Variants in MAD1L1 observed in about 807,000 individuals in gnomAD.
MAD1L1 encodes the protein mitotic spindle assembly checkpoint protein MAD1.
A neutral mutation model predicts 96.9 loss-of-function variants in MAD1L1; 95 were observed. The ratio of observed to expected loss-of-function variants is 0.98; its 90% CI spans 0.83 to 1.16. The LOEUF (loss-of-function observed/expected upper bound fraction) is 1.16. MAD1L1 is among the 50% of genes most tolerant of loss of function. The pLI, the probability that MAD1L1 is intolerant of heterozygous loss-of-function variation, is 0.00. For missense variants in MAD1L1, 1,007 were observed against 954.4 expected, an observed-to-expected ratio of 1.06 and a Z score of -0.73; for synonymous variants, 473 against 396.6, an observed-to-expected ratio of 1.19 and a Z score of -2.29.
chr7:2,141,747 G>A (rs925723841), intron 11 of MAD1L1, among the ~76,000 whole-genome samples: 10 of 152,330 alleles, frequency 6.6e-5, no homozygotes, highest in African/African-American at 2.4e-4. Flanking sequence ...GGCTGCACAT[G>A]CCACAGGCAC....
intron 18 of MAD1L1, among the ~76,000 whole-genome samples, chr7:1,893,279 A>C (rs1194823923): frequency 2.6e-5 from 4 of 151,796 alleles, no homozygotes; most frequent in African/African-American, 7.3e-5. Flanking sequence ...CCTGGCTGGG[A>C]TGGGAAGTCC....
intron 10 of MAD1L1, among the ~76,000 whole-genome samples, chr7:2,212,565 C>A (rs1793003579): frequency 6.6e-6 from 1 of 152,156 alleles, no homozygotes; most frequent in African/African-American, 2.4e-5. Context: ...TCCCTCCCAA[C>A]ACTACTCACG....
intron 18 of MAD1L1, among the ~76,000 whole-genome samples, chr7:1,843,064 C>G (rs1783369106): frequency 6.6e-6 from 1 of 152,222 alleles, no homozygotes; most frequent in Non-Finnish European, 1.5e-5. Flanking sequence ...TGGGGACCAT[C>G]TGGAGGACGG....
At position 1,968,326 on chromosome 7, in the gene MAD1L1, TGGTCA is replaced by T. The variant is rs1005697568; in HGVS notation, c.1506-10612_1506-10608del. On this transcript the variant is annotated intron_variant, in intron 15 of 18. Coordinates refer to ENST00000265854, the MANE Select transcript of MAD1L1 (RefSeq NM_001013836.2). The surrounding 1 kb of genome is among the most constrained non-coding windows in gnomAD (Gnocchi z 5.6). ...GTCCACTGTCAACGCCTCAGTCTGGTGGTCAGGTCAACCGTCCACACCTCAGTCCA... is the reference window on the plus strand; with the variant it reads ...GTCCACTGTCAACGCCTCAGTCTGGTGGTCAACCGTCCACACCTCAGTCCA... 7.8e-6 allele frequency among the ~76,000 whole-genome samples: 1 copy of T among 128,112 alleles called. No individual in the cohort carries two copies. Among genetic ancestry groups the T allele is most frequent in the Non-Finnish European group, 1.6e-5 (1 of 61,340 alleles). The allele number at this position is 128,112 out of a possible 152,430, so 84.0% of individuals were successfully genotyped here.
In MAD1L1 at chr7:2,138,668, G is replaced by A. The variant is rs552974061; in HGVS notation, c.1073+10484C>T. Among the ~76,000 whole-genome samples, 260 of 152,280 alleles carry A rather than the reference G, an allele frequency of 1.7e-3. 1 individual carries two copies. The highest frequency in any genetic ancestry group is 6.0e-3 in the African/African-American group (248 of 41,548). ...TCACTCTGAGAACCCCAGGCCCAGG[G>A]GCCAAGCAAGCACTGAGAGGAAGGC... On this transcript the variant is annotated intron_variant, in intron 11 of 18. Transcript: ENST00000265854.
At chr7:2,087,347 C>A (rs1785970143) in intron 11 of MAD1L1, among the ~76,000 whole-genome samples, 1 of 152,124 alleles carries the variant, frequency 6.6e-6, no homozygotes, top group Admixed American at 6.5e-5. Flanking sequence ...CAAGACCAGC[C>A]TGACCAACAT....
At chr7:1,893,768 G>A (rs1215588170) in intron 18 of MAD1L1, among the ~76,000 whole-genome samples, 1 of 152,234 alleles carries the variant, frequency 6.6e-6, no homozygotes, top group Non-Finnish European at 1.5e-5. Flanking sequence ...TCTCACAGGA[G>A]TGCAGTGGCC....
intron 18 of MAD1L1, chr7:1,838,486 G>A (rs557986006): frequency 1.7e-4 from 55 of 314,316 alleles, no homozygotes; most frequent in Admixed American, 3.9e-4. Flanking sequence ...ACACTAGACC[G>A]TATGATTCAT....
intron 11 of MAD1L1, among the ~76,000 whole-genome samples, chr7:2,071,920 C>A (rs12536235): frequency 0.78 from 119,123 of 152,080 alleles, 52,152 homozygotes; most frequent in Non-Finnish European, 0.98. Flanking sequence ...AGGGCACGGA[C>A]GCTCTGCACC....
At chr7:1,936,077 A>G (rs1441659156) in intron 17 of MAD1L1, among the ~76,000 whole-genome samples, 1 of 152,224 alleles carries the variant, frequency 6.6e-6, no homozygotes, top group Non-Finnish European at 1.5e-5. Context: ...CTGGACTCCC[A>G]GCCCTGCTCC....
In MAD1L1 at chr7:2,201,516, A is replaced by C. The variant is rs75616108; in HGVS notation, c.986+11696T>G. Among the ~76,000 whole-genome samples the C allele has an allele frequency of 9.1e-3, 1,383 of 152,290 alleles. 18 individuals are homozygous for C. Among genetic ancestry groups the C allele is most frequent in the African/African-American group, 0.032 (1,328 of 41,564 alleles). On this transcript the variant is annotated intron_variant, in intron 10 of 18. Coordinates refer to ENST00000265854, the MANE Select transcript of MAD1L1 (RefSeq NM_001013836.2). The stretch of plus-strand genomic sequence containing the variant: ...CACCAGGGATGCCACCGCCTCCTCT[A>C]AAATAAATCCTGGAACCTACGGCAG...
intron 18 of MAD1L1, among the ~76,000 whole-genome samples, chr7:1,896,411 G>C (rs1018635925): frequency 4.6e-5 from 7 of 152,206 alleles, no homozygotes; most frequent in African/African-American, 1.7e-4. Flanking sequence ...GATGGACCTG[G>C]TGTCCAGCAA....
chr7:1,891,850 G>C (rs1295247727), intron 18 of MAD1L1, among the ~76,000 whole-genome samples: 2 of 152,182 alleles, frequency 1.3e-5, no homozygotes, highest in Non-Finnish European at 2.9e-5. Flanking sequence ...CCAAATGTTA[G>C]GATTATAGGC....
At chr7:2,116,570 G>T (rs3778974) in intron 11 of MAD1L1, among the ~76,000 whole-genome samples, 8 of 121,036 alleles carry the variant, frequency 6.6e-5, no homozygotes, top group East Asian at 2.3e-4. Flanking sequence ...AGAGGGTTGG[G>T]GGGGGGGGGG....
chr7:1,971,946 C>A (rs1780423222), intron 15 of MAD1L1, among the ~76,000 whole-genome samples: 1 of 152,196 alleles, frequency 6.6e-6, no homozygotes, highest in Non-Finnish European at 1.5e-5. Flanking sequence ...GACCTCATCA[C>A]AGATTCACAG....
At chr7:1,841,514 T>A (rs1783255519) in intron 18 of MAD1L1, among the ~76,000 whole-genome samples, 1 of 152,164 alleles carries the variant, frequency 6.6e-6, no homozygotes, top group Non-Finnish European at 1.5e-5. Flanking sequence ...CGGCCTGGCC[T>A]CTCCTGGCAG....
intron 15 of MAD1L1, among the ~76,000 whole-genome samples, chr7:1,975,576 G>A (rs369836933): frequency 1.3e-5 from 2 of 152,356 alleles, no homozygotes; most frequent in African/African-American, 4.8e-5. Context: ...TTCATGAGGG[G>A]ACTTAGAGCA....
chr7:2,067,235 G>A (rs1159919172), intron 12 of MAD1L1, among the ~76,000 whole-genome samples: 1 of 149,148 alleles, frequency 6.7e-6, no homozygotes, highest in Non-Finnish European at 1.5e-5. Flanking sequence ...GCAGGCACCC[G>A]GGGTCATCAG....
At chr7:1,995,080 C>A (rs1781498330) in intron 14 of MAD1L1, among the ~76,000 whole-genome samples, 1 of 152,234 alleles carries the variant, frequency 6.6e-6, no homozygotes, top group Admixed American at 6.5e-5. Flanking sequence ...CAGACAACAG[C>A]CTAGAAGAGG....
Sources: gnomAD v4.1 joint callset for allele counts (sites outside exome capture counted in the v4.1 genomes callset) on GRCh38, gnomAD v4.1.1 for gene constraint, Gnocchi (gnomAD v3.1) non-coding constraint, MANE v1.5 for transcripts, NCBI Gene and HGNC (gene_info 2026-07-23, HGNC 2026-07-21) for gene names.